The following SEC16A variants were observed in gnomAD, a reference collection of about 807,000 sequenced individuals.
SEC16A encodes SEC16 homolog A, endoplasmic reticulum export factor.
Under a neutral mutation model 221.9 loss-of-function variants are expected in SEC16A, and 110 were observed. The ratio of observed to expected loss-of-function variants is 0.50; its 90% CI spans 0.42 to 0.58. SEC16A has a LOEUF of 0.58. Ranked by LOEUF, SEC16A falls within the 20% of genes least tolerant of loss-of-function variation. SEC16A has a pLI of 0.00. For missense variants in SEC16A, 3,165 were observed against 3,097.8 expected (o/e 1.02, Z -0.52); for synonymous variants, 1,393 against 1,257.7 (o/e 1.11, Z -2.28).
chr9:136,482,431 C>A (rs1189352476), intron 1 of SEC16A, among the ~76,000 whole-genome samples: 1 of 152,224 alleles, frequency 6.6e-6, no homozygotes, highest in Non-Finnish European at 1.5e-5. Context: ...ACACTTCCAT[C>A]ACAAAGGGGC....
At chr9:136,453,569 T>G (rs1194582994) in intron 21 of SEC16A, 59 bp from the exon 22 acceptor site, 1 of 1,399,410 alleles carries the variant, frequency 7.1e-7, no homozygotes, top group South Asian at 1.2e-5. Context: ...GACGTGTGTG[T>G]GGCGCACAGA....
In SEC16A at chr9:136,460,076, T is replaced by C. The variant is rs1447637457; in HGVS notation, c.5039A>G (p.Gln1680Arg). The C allele has an allele frequency of 6.2e-7, 1 of 1,607,456 alleles. No homozygotes were observed. Among genetic ancestry groups the C allele is most frequent in the Non-Finnish European group, 8.5e-7 (1 of 1,176,984 alleles). ...PINDPLQTVY[Q>R]LMSGRMPAAS... ...GGCAGGCATCCGTCCGGACATGAGC[T>C]GGTAGACTGTCTGCAGAGGGTCGTT... is the stretch of plus-strand genomic sequence containing the variant. The change falls in exon 14 of 32, where the codon CAG (glutamine) becomes CGG (arginine). Residue 1680 changes from glutamine (Q) to arginine (R), a missense_variant. Transcript: ENST00000684901.
chr9:136,475,887 C>T lies in SEC16A; in HGVS notation c.1729G>A (p.Glu577Lys), dbSNP rs779354617. 1.7e-5 allele frequency: 28 copies of T among 1,606,088 alleles called. No individual in the cohort carries two copies. The highest frequency in any genetic ancestry group is 1.0e-4 in the South Asian group (9 of 89,924). The stretch of plus-strand genomic sequence containing the variant: ...CGGTAATTCTGGCTCACAGTGGTCT[C>T]GTCTGTTTCACCTCCTACGGGAGAA... Reference protein sequence around the residue: ...DSSPVGGETDETTVSQNYRGS... With the variant: ...DSSPVGGETDKTTVSQNYRGS... The change falls in exon 3 of 32, where the codon GAG (glutamate) becomes AAG (lysine). Residue 577 changes from glutamate (E) to lysine (K), a missense_variant. Coordinates refer to ENST00000684901, the MANE Select transcript of SEC16A (RefSeq NM_014866.2). This position sits in a 1 kb window ranked among gnomAD's most constrained non-coding sequence, Gnocchi z 5.0.
At chr9:136,483,453 G>T (rs1393210617), upstream of SEC16A, 3 of 414,938 alleles carry the variant, frequency 7.2e-6, no homozygotes, top group African/African-American at 6.0e-5. Flanking sequence ...CCCGCCCCTC[G>T]GCCGTCCTTC....
Position 136,474,563 on chromosome 9 carries a change from G to A in SEC16A, c.3053C>T (p.Ala1018Val), listed in dbSNP as rs536379281. 1.9e-6 allele frequency: 3 copies of A among 1,612,928 alleles called. No homozygotes were observed. The highest frequency in any genetic ancestry group is 3.3e-5 in the Admixed American group (2 of 59,988). ...VYNPSHSDSL[A>V]SQQSVASHPR... ...ATGACTGGCAACACTTTGCTGAGAA[G>A]CGAGGCTGTCAGAATGGGACGGGTT... Residue 1018 changes from alanine (A) to valine (V), a missense_variant, in exon 3 of 32, where the codon GCT (alanine) becomes GTT (valine). Transcript: ENST00000684901.
Position 136,453,426 on chromosome 9 carries a change from A to C in SEC16A, c.6159+2T>G. On this transcript the variant is annotated splice_donor_variant, in intron 22 of 31. Transcript: ENST00000684901. LOFTEE classifies it high-confidence loss of function. The stretch of plus-strand genomic sequence containing the variant: ...ACAGTTTAAGAAAATGTGACAAAGT[A>C]CCAGATTAGCAAATTTTCCATCAAA... The C allele has an allele frequency of 6.2e-7, 1 of 1,611,266 alleles. No homozygotes were observed. The highest frequency in any genetic ancestry group is 8.5e-7 in the Non-Finnish European group (1 of 1,177,538).
At position 136,467,091 on chromosome 9, in the gene SEC16A, CA is replaced by C. The variant is rs1443193398; in HGVS notation, c.3803-9del. ...GATCCCAGTGACCTGGATCTGTGAG[CA>C]AGGAATTAATGATTAATACAGTAAC... On this transcript the variant is annotated splice_polypyrimidine_tract_variant and intron_variant, in intron 5 of 31. Coordinates refer to ENST00000684901, the MANE Select transcript of SEC16A (RefSeq NM_014866.2). 1 of 1,611,124 alleles carries C rather than the reference CA, an allele frequency of 6.2e-7. No individual in the cohort carries two copies.
chr9:136,455,924 T>C, intron 19 of SEC16A, 129 bp downstream of exon 19: 1 of 1,180,826 alleles, frequency 8.5e-7, no homozygotes, highest in Non-Finnish European at 1.2e-6. Context: ...TCTGGGGAAT[T>C]AGGGAATTCT....
At chr9:136,464,825 G>A (rs1036647220) in intron 8 of SEC16A, among the ~76,000 whole-genome samples, 2 of 152,194 alleles carry the variant, frequency 1.3e-5, no homozygotes, top group Non-Finnish European at 2.9e-5. Flanking sequence ...CTCATGAGCC[G>A]CCCTGAGGCT....
chr9:136,484,112 G>A (rs1842733336), upstream of SEC16A: 1 of 163,764 alleles, frequency 6.1e-6, no homozygotes. Context: ...TTGCTGCGCC[G>A]GGCCCTCCCA....
In SEC16A at chr9:136,464,448, G is replaced by A. The variant is rs1839899768; in HGVS notation, c.4418C>T (p.Pro1473Leu). 2.5e-6 allele frequency: 4 copies of A among 1,611,718 alleles called. No individual in the cohort carries two copies. The highest frequency in any genetic ancestry group is 1.7e-5 in the Admixed American group (1 of 59,974). ...CATGCTGTGGACCTCCACCAAGGCC[G>A]GCTGTCCTTCTGAAGGCAGATTGGG... ...VIPNLPSEGQ[P>L]ALVEVHSMEA... Residue 1473 changes from proline (P) to leucine (L), a missense_variant, in exon 9 of 32, where the codon CCG becomes CTG. This residue lies in a region of SEC16A where 47 missense variants were observed against 85.0 expected (regional missense o/e 0.55). Transcript: ENST00000684901.
In SEC16A at chr9:136,448,083, C is replaced by T; in HGVS notation, c.6390+1G>A. 6.2e-7 allele frequency: 1 copy of T among 1,611,494 alleles called. No homozygotes were observed. The highest frequency in any genetic ancestry group is 8.5e-7 in the Non-Finnish European group (1 of 1,178,300). On this transcript the variant is annotated splice_donor_variant, in intron 24 of 31. Transcript: ENST00000684901. LOFTEE classifies it high-confidence loss of function. ...TCCCGTGCGTATTTGACAGCACTCACCGATTTGTTCTTGTCATCTGGCAAA... is the reference window on the plus strand; with the variant it reads ...TCCCGTGCGTATTTGACAGCACTCATCGATTTGTTCTTGTCATCTGGCAAA...
chr9:136,443,737 G>T, intron 31 of SEC16A, 86 bp downstream of exon 31: 1 of 868,660 alleles, frequency 1.2e-6, no homozygotes, highest in East Asian at 2.6e-5. Context: ...GAGGATCTAG[G>T]GCAGAAAGCT....
Position 136,446,862 on chromosome 9 carries a change from T to A in SEC16A, c.6785A>T (p.Glu2262Val). Residue 2262 changes from glutamate to valine, a missense_variant, in exon 28 of 32, where the codon GAG becomes GTG. Coordinates refer to ENST00000684901, the MANE Select transcript of SEC16A (RefSeq NM_014866.2). ...RGLANPEPAP[E>V]PKVLSSAASL... ...CCCACCGTACCCGCTCACCTTGGGC[T>A]CTGGGGCAGGCTCTGGATTGGCCAG... The A allele has an allele frequency of 6.2e-7, 1 of 1,605,444 alleles. No individual in the cohort carries two copies. The highest frequency in any genetic ancestry group is 1.1e-5 in the South Asian group (1 of 89,866).
intron 31 of SEC16A, among the ~76,000 whole-genome samples, chr9:136,443,144 A>G (rs1325008924): frequency 6.6e-6 from 1 of 152,270 alleles, no homozygotes; most frequent in African/African-American, 2.4e-5. Context: ...AATGAGGGAT[A>G]CACAAGTAGA....
Position 136,451,259 on chromosome 9 carries a change from C to A in SEC16A, c.6309G>T (p.Lys2103Asn). 6.2e-7 allele frequency: 1 copy of A among 1,610,776 alleles called. No individual in the cohort carries two copies. Among genetic ancestry groups the A allele is most frequent in the Non-Finnish European group, 8.5e-7 (1 of 1,178,460 alleles). The change falls in exon 23 of 32, where the codon AAG becomes AAT. Residue 2103 changes from lysine to asparagine, a missense_variant. Lys to Asn is a moderately conservative substitution (Grantham distance 94). Around this residue, in one of 3 missense-constraint regions of SEC16A, gnomAD observed 1,088 missense variants for 1,089.6 expected, o/e 1.00. Transcript: ENST00000684901. The part of the protein sequence containing the change: ...QAAKKETKEP[K>N]KGESWFFRWL... ...CACCGTGGGCAGGCTGTACTACCTT[C>A]TTAGGTTCCTTCGTTTCTTTCTTGG... is the stretch of plus-strand genomic sequence containing the variant.
intron 19 of SEC16A, 102 bp downstream of exon 19, chr9:136,455,951 C>T: frequency 1.7e-6 from 2 of 1,205,286 alleles, no homozygotes; most frequent in South Asian, 1.4e-5. Flanking sequence ...CACACGTTTG[C>T]AGTTACACTG....
rs753252683 is a variant in SEC16A, at chr9:136,476,851, G to A, written c.765C>T (p.Ile255=). The A allele has an allele frequency of 1.2e-6, 2 of 1,612,746 alleles. No homozygotes were observed. The highest frequency in any genetic ancestry group is 1.1e-5 in the South Asian group (1 of 91,044). The change falls in exon 3 of 32, where the codon ATC becomes ATT. Residue 255 remains isoleucine, a synonymous_variant. Transcript: ENST00000684901. ...TSVPHFPTPS[I]LHQGPGHEQH... ...GCTCATGACCAGGGCCCTGATGTAG[G>A]ATGGACGGGGTGGGGAAATGAGGAA...
At chr9:136,453,558 G>C (rs1389339899) in intron 21 of SEC16A, 48 bp from the exon 22 acceptor site, 1 of 1,483,492 alleles carries the variant, frequency 6.7e-7, no homozygotes, top group Non-Finnish European at 9.4e-7. Flanking sequence ...CGAGAAGGCG[G>C]GACGTGTGTG....
Sources: gnomAD v4.1 joint callset for allele counts (sites outside exome capture counted in the v4.1 genomes callset) on GRCh38, gnomAD v4.1.1 for gene constraint, gnomAD v4.1.1 regional missense constraint, Gnocchi (gnomAD v3.1) non-coding constraint, MANE v1.5 for transcripts, NCBI Gene and HGNC (gene_info 2026-07-23, HGNC 2026-07-21) for gene names.